The following SCAP variants were observed in gnomAD, a reference collection of about 807,000 sequenced individuals.
SCAP encodes SREBF chaperone.
A neutral mutation model predicts 123.6 loss-of-function variants in SCAP; 65 were observed. That is an observed-to-expected ratio of 0.53 (90% CI 0.43 to 0.65). The LOEUF is 0.65. Ranked by LOEUF, SCAP falls within the 30% of genes least tolerant of loss-of-function variation. The probability of loss-of-function intolerance (pLI) is 0.00; values close to 1 mark genes in which losing one functional copy is unlikely to be tolerated. For missense variants in SCAP, 1,398 were observed against 1,712.5 expected (o/e 0.82, Z 3.24); for synonymous variants, 740 against 726.3 (o/e 1.02, Z -0.30).
At chr3:47,414,486 G>A in intron 21 of SCAP, 86 bp downstream of exon 21, 1 of 1,598,422 alleles carries the variant, frequency 6.3e-7, no homozygotes, top group Non-Finnish European at 8.6e-7. Flanking sequence ...ACTGCTTCCT[G>A]GAAGGCCCCT....
intron 1 of SCAP, among the ~76,000 whole-genome samples, chr3:47,466,139 A>C (rs76310257): frequency 7.3e-5 from 11 of 150,924 alleles, no homozygotes; most frequent in African/African-American, 1.7e-4. Context: ...TAAAAACCAA[A>C]AAAAAAAAAA....
At chr3:47,422,340 A>ACAGAAGCAAGCACC in intron 10 of SCAP, 102 bp downstream of exon 10, 1 of 957,542 alleles carries the variant, frequency 1.0e-6, no homozygotes, top group Middle Eastern at 3.2e-4. Flanking sequence ...AGAAGCAAGG[A>ACAGAAGCAAGCACC]TGCCTGTGCT....
At chr3:47,437,024 C>T (rs1384819549) in intron 2 of SCAP, among the ~76,000 whole-genome samples, 1 of 152,264 alleles carries the variant, frequency 6.6e-6, no homozygotes, top group Admixed American at 6.5e-5. Flanking sequence ...ATTCTCCACA[C>T]TGGCGCACAT....
intron 8 of SCAP, among the ~76,000 whole-genome samples, chr3:47,424,490 T>C (rs1486104242): frequency 6.6e-6 from 1 of 152,224 alleles, no homozygotes; most frequent in African/African-American, 2.4e-5. Flanking sequence ...CACTCACCTT[T>C]GTTGAGAAGC....
intron 18 of SCAP, among the ~76,000 whole-genome samples, chr3:47,416,158 CAAG>C (rs1189608825): frequency 3.3e-5 from 5 of 152,226 alleles, no homozygotes; most frequent in Non-Finnish European, 5.9e-5. Flanking sequence ...CACCAACAGT[CAAG>C]GAGCCTTGGA....
At chr3:47,443,863 A>C (rs956640481) in intron 1 of SCAP, among the ~76,000 whole-genome samples, 1 of 152,162 alleles carries the variant, frequency 6.6e-6, no homozygotes, top group Non-Finnish European at 1.5e-5. Context: ...TGCCGACCCA[A>C]GCTACACAAA....
Position 47,419,625 on chromosome 3 carries a change from G to A in SCAP, c.1643C>T (p.Thr548Met), listed in dbSNP as rs199713450. The change falls in exon 13 of 23, where the codon ACG becomes ATG. Residue 548 changes from threonine (T) to methionine (M), a missense_variant. Physicochemically the swap from Thr to Met is moderately conservative, Grantham distance 81. Coordinates refer to ENST00000265565, the MANE Select transcript of SCAP (RefSeq NM_012235.4). This position sits in a 1 kb window ranked among gnomAD's most constrained non-coding sequence, Gnocchi z 5.0. The stretch of plus-strand genomic sequence containing the variant: ...TCCCTCACCCAATGGGCTCTGTTCC[G>A]TCACCTGGGCAGCGAGGTAGTTGCG... ...GLRNYLAAQVTEQSPLGEGAL... is the reference protein window; with the variant it reads ...GLRNYLAAQVMEQSPLGEGAL... 6.1e-5 allele frequency: 97 copies of A among 1,585,416 alleles called. 2 individuals are homozygous for A. Among genetic ancestry groups the A allele is most frequent in the East Asian group, 4.5e-5 (2 of 44,590 alleles).
At position 47,428,626 on chromosome 3, in the gene SCAP, C is replaced by CTTCACAAATATCTGCTGGACATAA; in HGVS notation, c.273_296dup (p.Val98_Lys99insAsnTyrValGlnGlnIlePheVal). 1 of 1,614,124 alleles carries CTTCACAAATATCTGCTGGACATAA rather than the reference C, an allele frequency of 6.2e-7. No individual in the cohort carries two copies. The highest frequency in any genetic ancestry group is 2.2e-5 in the East Asian group (1 of 44,878). ...TCTTGTGCCAGGGAAACACTGAGGA[C>CTTCACAAATATCTGCTGGACATAA]TTCACAAATATCTGCTGGACATAAG... On this transcript the variant is annotated inframe_insertion, in exon 4 of 23. Coordinates refer to ENST00000265565, the MANE Select transcript of SCAP (RefSeq NM_012235.4).
rs576433381 is a variant in SCAP, at chr3:47,418,689, C to G, written c.2095G>C (p.Gly699Arg). 8 of 1,610,878 alleles carry G rather than the reference C, an allele frequency of 5.0e-6. No homozygotes were observed. The Admixed American group carries it at 1.0e-4, about 20-fold the overall frequency. Residue 699 changes from glycine to arginine, a missense_variant, in exon 14 of 23, where the codon GGG becomes CGG. Gly to Arg is a moderately radical substitution (Grantham distance 125). Transcript: ENST00000265565. ...HWEAGPKGPGGVQAHGDVTLY... is the reference protein window; with the variant it reads ...HWEAGPKGPGRVQAHGDVTLY... ...GTGACGTCTCCATGGGCCTGCACCC[C>G]ACCTGGGCCCTTGGGTCCTGCTTCC... is the stretch of plus-strand genomic sequence containing the variant.
chr3:47,450,189 G>A (rs1216752780), intron 1 of SCAP, among the ~76,000 whole-genome samples: 1 of 123,548 alleles, frequency 8.1e-6, no homozygotes, highest in Non-Finnish European at 1.8e-5. Context: ...GTAGAAACGG[G>A]GTTTCACCAT....
chr3:47,416,524 T>C (rs890837290), intron 18 of SCAP, among the ~76,000 whole-genome samples: 7 of 151,406 alleles, frequency 4.6e-5, no homozygotes, highest in African/African-American at 1.5e-4. Flanking sequence ...CGAGAAAGGA[T>C]AGGAGTATAT....
In SCAP at chr3:47,413,912, T is replaced by G. The variant is rs146478019; in HGVS notation, c.3782A>C (p.Asn1261Thr). The change falls in exon 23 of 23, where the codon AAC becomes ACC. Residue 1261 changes from asparagine (N) to threonine (T), a missense_variant. Around this residue, in one of 7 missense-constraint regions of SCAP, gnomAD observed 130 missense variants for 166.7 expected, o/e 0.78. Coordinates refer to ENST00000265565, the MANE Select transcript of SCAP (RefSeq NM_012235.4). The part of the protein sequence containing the change: ...LVLDNAAIVC[N>T]FGSELSLVYV... ...CACCAGGCTGAGCTCACTGCCAAAG[T>G]TGCAGACAATGGCAGCGTTGTCCAG... 4.3e-6 allele frequency: 7 copies of G among 1,613,224 alleles called. No individual in the cohort carries two copies. Among genetic ancestry groups the G allele is most frequent in the Non-Finnish European group, 5.1e-6 (6 of 1,180,024 alleles).
rs192925022 is a variant in SCAP, at chr3:47,430,232, C to T, written c.253-1562G>A. 3.1e-3 allele frequency among the ~76,000 whole-genome samples: 466 copies of T among 152,288 alleles called. 4 individuals carry two copies. The highest frequency in any genetic ancestry group is 9.5e-3 in the Admixed American group (146 of 15,294). ...TGTGCCTGCCTAGAGCTTCACACTC[C>T]AGGCAGGGTGGTGTAAGGACTCAAA... On this transcript the variant is annotated intron_variant, in intron 3 of 22. Transcript: ENST00000265565.
In SCAP at chr3:47,418,476, G is replaced by A. The variant is rs372058889; in HGVS notation, c.2176C>T (p.Leu726=). 31 of 1,600,484 alleles carry A rather than the reference G, an allele frequency of 1.9e-5. No homozygotes were observed. Among genetic ancestry groups the A allele is most frequent in the African/African-American group, 2.7e-5 (2 of 74,750 alleles). ...LATGIVLVLL[L]LCLYRVLCPR... ...CATAGCACGCGGTAGAGGCAGAGCA[G>A]CAGCAGCACCAAGACGATGCCGGTG... Residue 726 remains leucine, a synonymous_variant, in exon 15 of 23, where the codon CTG becomes TTG. Transcript: ENST00000265565.
At position 47,427,196 on chromosome 3, in the gene SCAP, G is replaced by C; in HGVS notation, c.698C>G (p.Ser233Cys). Residue 233 changes from serine to cysteine, a missense_variant, in exon 6 of 23, where the codon TCC becomes TGC. This residue lies in a region of SCAP where 319 missense variants were observed against 432.4 expected (regional missense o/e 0.74). Transcript: ENST00000265565. ...CTGGAAGACCAGGGTGATGGTGTAG[G>C]AGACCATCCTCTTCCTGGTGTAGAG... Reference protein sequence around the residue: ...VSLYTRKRMVSYTITLVFQHY... With the variant: ...VSLYTRKRMVCYTITLVFQHY... 1 of 1,613,770 alleles carries C rather than the reference G, an allele frequency of 6.2e-7. No individual in the cohort carries two copies. Among genetic ancestry groups the C allele is most frequent in the Non-Finnish European group, 8.5e-7 (1 of 1,179,798 alleles).
intron 8 of SCAP, 101 bp from the exon 9 acceptor site, chr3:47,424,146 T>C: frequency 1.2e-6 from 1 of 818,394 alleles, no homozygotes; most frequent in Admixed American, 2.0e-5. Context: ...TCATGGGGGC[T>C]GCTGAGTGAC....
rs1213757675 is a variant in SCAP at position 47,439,323 on chromosome 3, C to T, written c.122+3549G>A. The stretch of plus-strand genomic sequence containing the variant: ...ACTCGGGAGGCTGAGGCAAGAGAAT[C>T]ACTTGAACCTGGGAGGCAGAGGTTG... On this transcript the variant is annotated intron_variant, in intron 2 of 22. Transcript: ENST00000265565. The surrounding 1 kb of genome is among the most constrained non-coding windows in gnomAD (Gnocchi z 4.0). 6.6e-6 allele frequency among the ~76,000 whole-genome samples: 1 copy of T among 152,138 alleles called. No homozygotes were observed. The highest frequency in any genetic ancestry group is 1.5e-5 in the Non-Finnish European group (1 of 68,028).
chr3:47,423,913 C>T lies in SCAP; in HGVS notation c.1150+20G>A, dbSNP rs749404146. ...CCAGCCCCTCCTGCAGCCCTCTGCCCAACTCTCCCACTGCGTTACCTTGGG... is the reference window on the plus strand; with the variant it reads ...CCAGCCCCTCCTGCAGCCCTCTGCCTAACTCTCCCACTGCGTTACCTTGGG... On this transcript the variant is annotated intron_variant, in intron 9 of 22. Transcript: ENST00000265565. 1 of 1,576,364 alleles carries T rather than the reference C, an allele frequency of 6.3e-7. No homozygotes were observed. The highest frequency in any genetic ancestry group is 8.7e-7 in the Non-Finnish European group (1 of 1,145,846).
In SCAP at chr3:47,417,827, CT is replaced by C. The variant is rs747700202; in HGVS notation, c.2448-2del. 7.6e-7 allele frequency: 1 copy of C among 1,317,852 alleles called. No homozygotes were observed. The highest frequency in any genetic ancestry group is 9.9e-7 in the Non-Finnish European group (1 of 1,010,730). The allele number at this position is 1,317,852 out of a possible 1,614,324, so 81.6% of individuals were successfully genotyped here. On this transcript the variant is annotated splice_acceptor_variant, in intron 16 of 22. Transcript: ENST00000265565. LOFTEE classifies it high-confidence loss of function. ...CACGCCACTGTCCCGGCGCTGCCTGCTGGGGGCCAGGAGGGCGGAGTGAGAG... is the reference window on the plus strand; with the variant it reads ...CACGCCACTGTCCCGGCGCTGCCTGCGGGGGCCAGGAGGGCGGAGTGAGAG...
Sources: allele counts gnomAD v4.1 joint callset (sites outside exome capture counted in the v4.1 genomes callset), GRCh38; gene constraint gnomAD v4.1.1; regional missense constraint gnomAD v4.1.1; non-coding constraint Gnocchi (gnomAD v3.1); transcripts MANE v1.5; gene names NCBI Gene and HGNC (gene_info 2026-07-23, HGNC 2026-07-21).